Variants in PCDHGA1 observed in about 807,000 individuals in gnomAD.
PCDHGA1 encodes protocadherin gamma-A1.
In PCDHGA1, 32 loss-of-function variants were observed where a neutral mutation model predicts 58.0. The observed-to-expected ratio is 0.55, with a 90% CI of 0.42 to 0.74. PCDHGA1 has a LOEUF of 0.74. PCDHGA1 is among the 30% of genes least tolerant of loss of function. The pLI is 0.00. For synonymous variants in PCDHGA1, 498 were observed against 501.1 expected (o/e 0.99, Z 0.08); for missense variants, 1,205 against 1,182.3 (o/e 1.02, Z -0.28).
chr5:141,505,252 C>T (rs2099844831), intron 2 of PCDHGA1, 141 bp from the exon 3 acceptor site: 1 of 1,454,140 alleles, frequency 6.9e-7, no homozygotes, highest in Non-Finnish European at 9.2e-7. Context: ...TGTAGAAGTG[C>T]CTCCTACCTT....
chr5:141,394,502 G>T, intron 1 of PCDHGA1: 1 of 1,614,226 alleles, frequency 6.2e-7, no homozygotes, highest in Non-Finnish European at 8.5e-7. Flanking sequence ...CCGAGATCCT[G>T]TACCCCGCCC....
intron 1 of PCDHGA1, among the ~76,000 whole-genome samples, chr5:141,471,883 C>T (rs951573411): frequency 6.6e-6 from 1 of 152,084 alleles, no homozygotes; most frequent in Non-Finnish European, 1.5e-5. Flanking sequence ...GAGGCTGAAG[C>T]TAGGAAGATT....
intron 1 of PCDHGA1, chr5:141,352,748 A>C: frequency 2.1e-6 from 3 of 1,432,690 alleles, no homozygotes; most frequent in Non-Finnish European, 2.8e-6. Context: ...CCAGCACTTA[A>C]CCAGGCTGAG....
chr5:141,455,401 A>G (rs1252870027), intron 1 of PCDHGA1, among the ~76,000 whole-genome samples: 1 of 152,158 alleles, frequency 6.6e-6, no homozygotes, highest in Non-Finnish European at 1.5e-5. Context: ...TCCCCCTTAC[A>G]GAGACAGAGG....
At chr5:141,483,980 G>A (rs1379963326) in intron 1 of PCDHGA1, among the ~76,000 whole-genome samples, 4 of 148,294 alleles carry the variant, frequency 2.7e-5, no homozygotes, top group Non-Finnish European at 5.9e-5. Flanking sequence ...CAAGGGAGTA[G>A]CTAGGTTGCT....
At chr5:141,382,782 G>A (rs1294010280) in intron 1 of PCDHGA1, 22 of 844,882 alleles carry the variant, frequency 2.6e-5, no homozygotes, top group African/African-American at 1.2e-4. Flanking sequence ...CTAAACTCAA[G>A]CCTCTATCCT....
chr5:141,417,633 G>C, intron 1 of PCDHGA1: 1 of 712,146 alleles, frequency 1.4e-6, no homozygotes, highest in South Asian at 2.3e-5. Flanking sequence ...CGCTGACGCC[G>C]GGGATCCCTC....
intron 1 of PCDHGA1, chr5:141,391,639 A>G (rs1166696968): frequency 6.6e-6 from 1 of 152,354 alleles, no homozygotes; most frequent in East Asian, 1.9e-4. Context: ...TAGTCAGTGA[A>G]AAAACTATCA....
At chr5:141,407,497 G>GTTTTTTTTTTTTTTTTTTTTTTT (rs1554102286) in intron 1 of PCDHGA1, among the ~76,000 whole-genome samples, 2 of 152,088 alleles carry the variant, frequency 1.3e-5, no homozygotes, top group African/African-American at 4.8e-5. Context: ...CTTTATTTCT[G>GTTTTTTTTTTTTTTTTTTTTTTT]TTTTTCTTAG....
chr5:141,444,410 A>G (rs2098435910), intron 1 of PCDHGA1, among the ~76,000 whole-genome samples: 1 of 151,922 alleles, frequency 6.6e-6, no homozygotes, highest in African/African-American at 2.4e-5. Flanking sequence ...ACCTCAGGTG[A>G]TCTTCCCTCC....
chr5:141,355,779 G>A (rs762969886), intron 1 of PCDHGA1: 7 of 1,613,834 alleles, frequency 4.3e-6, no homozygotes, highest in East Asian at 2.2e-5. Flanking sequence ...AGTACCCAGA[G>A]CTGGTGCTGG....
At position 141,512,951 on chromosome 5, in the gene PCDHGA1, AATAAT is replaced by A. The variant is rs1231390259; in HGVS notation, c.*1780_*1784del. 2.1e-5 allele frequency: 3 copies of A among 141,994 alleles called. No homozygotes were observed. Among genetic ancestry groups the A allele is most frequent in the Non-Finnish European group, 4.8e-5 (3 of 62,372 alleles). The allele number at this position is 141,994 out of a possible 1,614,324, so 8.8% of individuals were successfully genotyped here. A position where few individuals can be genotyped will look rare whatever the true frequency, so the allele number is the denominator to read the frequency against. On this transcript the variant is annotated 3_prime_UTR_variant, in exon 4 of 4. Coordinates refer to ENST00000517417, the MANE Select transcript of PCDHGA1 (RefSeq NM_018912.3). ...TATGGCTTTTTTTCTTCGACAAAAAAATAATAAAACGTTTCTTCTGAAAAGCTGAA... is the reference window on the plus strand; with the variant it reads ...TATGGCTTTTTTTCTTCGACAAAAAAAAAACGTTTCTTCTGAAAAGCTGAA...
chr5:141,402,197 A>G (rs1346156119), intron 1 of PCDHGA1, among the ~76,000 whole-genome samples: 5 of 152,132 alleles, frequency 3.3e-5, no homozygotes, highest in Non-Finnish European at 5.9e-5. Context: ...TATTACTTTT[A>G]TAATACAAAA....
chr5:141,390,837 T>C (rs1299248607), intron 1 of PCDHGA1: 1 of 163,140 alleles, frequency 6.1e-6, no homozygotes. Flanking sequence ...ATGGACCCCT[T>C]GTGATTATAT....
chr5:141,344,045 C>T, intron 1 of PCDHGA1: 2 of 1,555,600 alleles, frequency 1.3e-6, no homozygotes, highest in Non-Finnish European at 1.7e-6. Flanking sequence ...TGACCAATTG[C>T]CTGAGTTTCC....
chr5:141,491,666 G>A lies in PCDHGA1; in HGVS notation c.2422-3141G>A, dbSNP rs373526771. 9.4e-5 allele frequency: 152 copies of A among 1,613,614 alleles called. No homozygotes were observed. The highest frequency in any genetic ancestry group is 1.2e-4 in the Non-Finnish European group (142 of 1,180,016). The stretch of plus-strand genomic sequence containing the variant: ...CTGGCGCTGGAGCCTGACGCCATCC[G>A]GTCCCGCTCTAATACGCTGCGGGAG... On this transcript the variant is annotated intron_variant, in intron 1 of 3. Coordinates refer to ENST00000517417, the MANE Select transcript of PCDHGA1 (RefSeq NM_018912.3). This position sits in a 1 kb window ranked among gnomAD's most constrained non-coding sequence, Gnocchi z 6.9.
At chr5:141,433,082 T>C in intron 1 of PCDHGA1, 1 of 1,614,188 alleles carries the variant, frequency 6.2e-7, no homozygotes. Flanking sequence ...CCAGCCCAAC[T>C]ATGCAGACAT....
In PCDHGA1 at chr5:141,485,636, G is replaced by A. The variant is rs371040974; in HGVS notation, c.2422-9171G>A. The A allele has an allele frequency of 6.2e-7, 1 of 1,611,922 alleles. No homozygotes were observed. The highest frequency in any genetic ancestry group is 1.1e-5 in the South Asian group (1 of 90,964). On this transcript the variant is annotated intron_variant, in intron 1 of 3. Transcript: ENST00000517417. This position sits in a 1 kb window ranked among gnomAD's most constrained non-coding sequence, Gnocchi z 5.7. ...TCCTCCAGGACAGCGTTTCCCGTTG[G>A]AAAAGGCTCAGGATGCAGATGTGGG...
At chr5:141,407,851 C>T (rs2094989102) in intron 1 of PCDHGA1, among the ~76,000 whole-genome samples, 1 of 152,194 alleles carries the variant, frequency 6.6e-6, no homozygotes, top group Non-Finnish European at 1.5e-5. Flanking sequence ...GGGGGATGTA[C>T]ACCTGCATTT....
Sources: gnomAD v4.1 joint callset for allele counts (sites outside exome capture counted in the v4.1 genomes callset) on GRCh38, gnomAD v4.1.1 for gene constraint, Gnocchi (gnomAD v3.1) non-coding constraint, MANE v1.5 for transcripts, NCBI Gene and HGNC (gene_info 2026-07-23, HGNC 2026-07-21) for gene names.